Variants in TOX4 observed in about 807,000 individuals in gnomAD.
The protein encoded by TOX4 is TOX high mobility group box family member 4, also known as epidermal Langerhans cell protein LCP1.
Under a neutral mutation model 61.0 loss-of-function variants are expected in TOX4, and 12 were observed. The observed-to-expected ratio is 0.20, with a 90% CI of 0.13 to 0.32. The LOEUF is 0.32. TOX4 is among the 10% of genes least tolerant of loss of function. The probability of loss-of-function intolerance (pLI) is 1.00; values close to 1 mark genes in which losing one functional copy is unlikely to be tolerated. For missense variants in TOX4, 499 were observed against 753.3 expected, an observed-to-expected ratio of 0.66 and a Z score of 3.95; for synonymous variants, 268 against 274.8, an observed-to-expected ratio of 0.98 and a Z score of 0.24.
chr14:21,497,991 T>C lies in TOX4; in HGVS notation c.*1385T>C. On this transcript the variant is annotated 3_prime_UTR_variant, in exon 9 of 9. Transcript: ENST00000448790. ...AGCCACTGTGCCTAGCCTATAATGA[T>C]CATTTTAATGTTTCCCATGCACTCA... The C allele has an allele frequency of 2.5e-6, 1 of 407,372 alleles. No individual in the cohort carries two copies. Among genetic ancestry groups the C allele is most frequent in the Non-Finnish European group, 4.5e-6 (1 of 223,576 alleles). The allele number at this position is 407,372 out of a possible 1,614,324, so 25.2% of individuals were successfully genotyped here. A position where few individuals can be genotyped will look rare whatever the true frequency, so the allele number is the denominator to read the frequency against.
chr14:21,490,260 C>T (rs545889528), intron 5 of TOX4, among the ~76,000 whole-genome samples: 6 of 151,636 alleles, frequency 4.0e-5, no homozygotes, highest in Admixed American at 2.0e-4. Context: ...AGGCGGATTA[C>T]GAAGTCAGGA....
rs1891487672 is a variant in TOX4, at chr14:21,499,070, C to T, written c.*2464C>T. On this transcript the variant is annotated 3_prime_UTR_variant, in exon 9 of 9. Coordinates refer to ENST00000448790, the MANE Select transcript of TOX4 (RefSeq NM_014828.4). The stretch of plus-strand genomic sequence containing the variant: ...TGGTCGTCCAAATAACTCAATCTTG[C>T]GAGTGCCAGGAGATAGTCTTTCAAT... 3 of 1,614,108 alleles carry T rather than the reference C, an allele frequency of 1.9e-6. No homozygotes were observed. The highest frequency in any genetic ancestry group is 1.7e-6 in the Non-Finnish European group (2 of 1,180,008).
At chr14:21,489,529 T>G (rs1891248854) in intron 5 of TOX4, 126 bp downstream of exon 5, 1 of 834,930 alleles carries the variant, frequency 1.2e-6, no homozygotes, top group Admixed American at 3.0e-5. Flanking sequence ...CACTTAAATA[T>G]CATCCCTTGT....
chr14:21,495,516 ATCT>A, intron 8 of TOX4, 124 bp downstream of exon 8: 1 of 1,189,940 alleles, frequency 8.4e-7, no homozygotes, highest in Non-Finnish European at 1.2e-6. Flanking sequence ...AGGTTGCTGT[ATCT>A]GGTCTACTAG....
Position 21,489,334 on chromosome 14 carries a change from T to C in TOX4, c.741T>C (p.Asn247=). 6.2e-7 allele frequency: 1 copy of C among 1,614,222 alleles called. No individual in the cohort carries two copies. Among genetic ancestry groups the C allele is most frequent in the Non-Finnish European group, 8.5e-7 (1 of 1,180,038 alleles). Residue 247 remains asparagine, a synonymous_variant, in exon 5 of 9, where the codon AAT becomes AAC. Transcript: ENST00000448790. ...TQAAIKGQNP[N]ATFGEVSKIV... is the part of the protein sequence containing the mutation. ...CTGCCATCAAGGGACAGAATCCTAA[T>C]GCCACTTTTGGTGAGGTTTCAAAAA...
intron 2 of TOX4, among the ~76,000 whole-genome samples, chr14:21,482,045 G>A (rs1891115910): frequency 6.6e-6 from 1 of 152,186 alleles, no homozygotes; most frequent in Admixed American, 6.5e-5. Context: ...TACATAAGTT[G>A]TATATCAATG....
chr14:21,492,469 G>A (rs1566484607), intron 6 of TOX4, 39 bp from the exon 7 acceptor site: 1 of 1,610,830 alleles, frequency 6.2e-7, no homozygotes. Context: ...ACCACCAAGT[G>A]ATTGATTAAT....
chr14:21,488,562 GTTTAA>G, intron 3 of TOX4, 23 bp from the exon 4 acceptor site: 1 of 1,598,352 alleles, frequency 6.3e-7, no homozygotes, highest in Non-Finnish European at 8.6e-7. Flanking sequence ...TATATTTAGT[GTTTAA>G]TTAGTCCTTC....
chr14:21,492,272 T>C (rs1402532279), intron 5 of TOX4, 24 bp from the exon 6 acceptor site: 4 of 1,590,396 alleles, frequency 2.5e-6, no homozygotes, highest in South Asian at 1.2e-5. Context: ...TTTTGTTTTT[T>C]TTTTTAAAGT....
rs1891452260 is a variant in TOX4, at chr14:21,498,123, G to C, written c.*1517G>C. ...TATACACTGTTAAGTAGCAGAGCCA[G>C]AATGGACTTCAGAATCCCAACTACA... On this transcript the variant is annotated 3_prime_UTR_variant, in exon 9 of 9. Transcript: ENST00000448790. The C allele has an allele frequency of 3.2e-6, 2 of 627,772 alleles. No homozygotes were observed. The highest frequency in any genetic ancestry group is 3.7e-5 in the African/African-American group (2 of 54,448). The allele number at this position is 627,772 out of a possible 1,614,324, so 38.9% of individuals were successfully genotyped here. A position where few individuals can be genotyped will look rare whatever the true frequency, so the allele number is the denominator to read the frequency against.
rs141606108 is a variant in TOX4, at chr14:21,488,909, G to C, written c.579+59G>C. The C allele has an allele frequency of 3.8e-6, 6 of 1,593,742 alleles. 1 individual carries two copies. The African/African-American group carries it at 4.0e-5, about 11-fold the overall frequency. On this transcript the variant is annotated intron_variant, in intron 4 of 8. Transcript: ENST00000448790. ...TGATAGTCTGGGATAAAATTTTTGG[G>C]ATACAGAGCCTAATCAGTATTCTTT...
chr14:21,477,450 C>T (rs376512973), intron 1 of TOX4, 46 bp from the exon 2 acceptor site: 5 of 1,611,616 alleles, frequency 3.1e-6, no homozygotes, highest in African/African-American at 1.3e-5. Flanking sequence ...CAAGCTGACT[C>T]CCTGCTCCCC....
Position 21,496,525 on chromosome 14 carries a change from GTA to G in TOX4, c.1806-19_1806-18del. 1 of 1,603,962 alleles carries G rather than the reference GTA, an allele frequency of 6.2e-7. No homozygotes were observed. Among genetic ancestry groups the G allele is most frequent in the Non-Finnish European group, 8.5e-7 (1 of 1,171,376 alleles). Reference sequence around the variant, plus strand: ...TCAGTTTGTGTATAATTCTGTTTGTGTATGTCTTTTTCTCTCTTAGGGATGTA... The same window carrying G: ...TCAGTTTGTGTATAATTCTGTTTGTGTGTCTTTTTCTCTCTTAGGGATGTA... On this transcript the variant is annotated intron_variant, in intron 8 of 8. Coordinates refer to ENST00000448790, the MANE Select transcript of TOX4 (RefSeq NM_014828.4).
chr14:21,478,953 G>A (rs1018631497), intron 2 of TOX4, among the ~76,000 whole-genome samples: 20 of 145,292 alleles, frequency 1.4e-4, no homozygotes, highest in African/African-American at 4.4e-4. Context: ...ACAGGTGTGC[G>A]CCACCACACC....
chr14:21,487,644 A>G lies in TOX4; in HGVS notation c.269A>G (p.His90Arg), dbSNP rs764841769. Residue 90 changes from histidine (H) to arginine (R), a missense_variant, in exon 3 of 9, where the codon CAT becomes CGT. By Grantham distance (29) the His-to-Arg change is conservative. Transcript: ENST00000448790. Reference sequence around the variant, plus strand: ...TTGGACATGCCTGTGGGCATGACCCATGGCTTGATGGAGCAGGGCGGGGGG... The same window carrying G: ...TTGGACATGCCTGTGGGCATGACCCGTGGCTTGATGGAGCAGGGCGGGGGG... ...QTLDMPVGMTHGLMEQGGGLL... is the reference protein window; with the variant it reads ...QTLDMPVGMTRGLMEQGGGLL... 2.5e-6 allele frequency: 4 copies of G among 1,613,992 alleles called. No individual in the cohort carries two copies. The highest frequency in any genetic ancestry group is 1.1e-5 in the South Asian group (1 of 91,088).
At chr14:21,479,500 T>A (rs1409833013) in intron 2 of TOX4, among the ~76,000 whole-genome samples, 2 of 151,062 alleles carry the variant, frequency 1.3e-5, no homozygotes, top group Non-Finnish European at 2.9e-5. Flanking sequence ...ATACAAAAAT[T>A]AGCCGGGTGT....
At chr14:21,489,135 T>C (rs1891241715) in intron 4 of TOX4, 38 bp from the exon 5 acceptor site, 5 of 1,586,910 alleles carry the variant, frequency 3.2e-6, no homozygotes, top group East Asian at 2.2e-5. Flanking sequence ...TACTTGTCAT[T>C]GTCCATTGTG....
Position 21,497,467 on chromosome 14 carries a change from A to G in TOX4, c.*861A>G, listed in dbSNP as rs1171538102. The G allele has an allele frequency of 6.6e-6, 1 of 151,256 alleles. No individual in the cohort carries two copies. Among genetic ancestry groups the G allele is most frequent in the African/African-American group, 2.4e-5 (1 of 41,176 alleles). The allele number at this position is 151,256 out of a possible 1,614,324, so 9.4% of individuals were successfully genotyped here. On this transcript the variant is annotated 3_prime_UTR_variant, in exon 9 of 9. Transcript: ENST00000448790. ...GCTGTCCTAGAGAACCTCCTCCTCA[A>G]CCAGCTACGTACATAGTTTTATCCT...
chr14:21,495,674 A>G (rs1160231975), intron 8 of TOX4: 1 of 197,844 alleles, frequency 5.1e-6, no homozygotes, highest in African/African-American at 2.3e-5. Flanking sequence ...GTTTGCAAAT[A>G]TTAGCTTTTC....
Sources: allele counts gnomAD v4.1 joint callset (sites outside exome capture counted in the v4.1 genomes callset), GRCh38; gene constraint gnomAD v4.1.1; transcripts MANE v1.5; gene names NCBI Gene and HGNC (gene_info 2026-07-23, HGNC 2026-07-21).